Variants in ROBO2 observed in about 807,000 individuals in gnomAD.
The protein encoded by ROBO2 is roundabout guidance receptor 2.
In ROBO2, 53 loss-of-function variants were observed where a neutral mutation model predicts 160.8. The observed-to-expected ratio is 0.33, with a 90% confidence interval of 0.26 to 0.41. The LOEUF (loss-of-function observed/expected upper bound fraction) is 0.41. ROBO2 is among the 10% of genes least tolerant of loss of function. The pLI is 1.00. For synonymous variants in ROBO2, 664 were observed against 611.7 expected (o/e 1.09, Z -1.26); for missense variants, 1,577 against 1,722.4 (o/e 0.92, Z 1.49).
At chr3:77,061,238 TAGG>T (rs984052749) in intron 1 of ROBO2, among the ~76,000 whole-genome samples, 1 of 152,200 alleles carries the variant, frequency 6.6e-6, no homozygotes, top group Non-Finnish European at 1.5e-5. Flanking sequence ...AGTCATTTAT[TAGG>T]AGAAGTCTGA....
chr3:75,959,778 C>T (rs72888494), intron 2 of ROBO2, among the ~76,000 whole-genome samples: 2,449 of 151,350 alleles, frequency 0.016, 59 homozygotes, highest in African/African-American at 0.056. Flanking sequence ...TAGTCTTTGT[C>T]GTTAAAAAAT....
At chr3:77,476,540 C>G (rs1248022736) in intron 2 of ROBO2, among the ~76,000 whole-genome samples, 1 of 152,052 alleles carries the variant, frequency 6.6e-6, no homozygotes, top group Non-Finnish European at 1.5e-5. Context: ...ATCTCAACTA[C>G]TTTTTTGAAT....
intron 6 of ROBO2, among the ~76,000 whole-genome samples, chr3:77,536,246 A>T (rs1014045569): frequency 2.6e-5 from 4 of 152,108 alleles, no homozygotes; most frequent in African/African-American, 9.7e-5. Flanking sequence ...AGGTGGGGGG[A>T]ATGTGCCTTA....
At chr3:76,271,029 A>G (rs1416261374) in intron 2 of ROBO2, among the ~76,000 whole-genome samples, 1 of 152,098 alleles carries the variant, frequency 6.6e-6, no homozygotes, top group Non-Finnish European at 1.5e-5. Flanking sequence ...TGTTACAAAT[A>G]TTTCTTTTAA....
intron 2 of ROBO2, among the ~76,000 whole-genome samples, chr3:77,335,289 C>G (rs1560562340): frequency 6.6e-6 from 1 of 152,084 alleles, no homozygotes; most frequent in African/African-American, 2.4e-5. Flanking sequence ...TACTTGTAAT[C>G]CCAGCTACTC....
rs528295776 is a variant in ROBO2, at chr3:77,563,054, G to T, written c.1520-113G>T. On this transcript the variant is annotated intron_variant, in intron 10 of 25. Transcript: ENST00000461745. ...CACTTACATACTTCTGATTCATGGAGATGAATTTCTCACTGTCTAGGTCAG... is the reference window on the plus strand; with the variant it reads ...CACTTACATACTTCTGATTCATGGATATGAATTTCTCACTGTCTAGGTCAG... The T allele has an allele frequency of 1.5e-4, 139 of 918,476 alleles. No homozygotes were observed. In the African/African-American group the frequency reaches 1.8e-3, roughly 12 times the overall value. 56.9% of individuals were successfully genotyped at this position (918,476 alleles called of 1,614,324 possible). A position where few individuals can be genotyped will look rare whatever the true frequency, so the allele number is the denominator to read the frequency against.
At chr3:77,125,246 A>G (rs141147862) in intron 2 of ROBO2, among the ~76,000 whole-genome samples, 2 of 152,280 alleles carry the variant, frequency 1.3e-5, no homozygotes, top group African/African-American at 4.8e-5. Flanking sequence ...CACCACGCCA[A>G]TCACAGTCAC....
chr3:77,294,871 C>G (rs979779889), intron 2 of ROBO2, among the ~76,000 whole-genome samples: 5 of 149,030 alleles, frequency 3.4e-5, no homozygotes, highest in African/African-American at 7.5e-5. Context: ...ACAGTAAAGA[C>G]ATAAAGTAAA....
chr3:77,548,040 C>T (rs1335344363), intron 7 of ROBO2, among the ~76,000 whole-genome samples: 1 of 151,036 alleles, frequency 6.6e-6, no homozygotes, highest in Non-Finnish European at 1.5e-5. Flanking sequence ...ACATACGCCA[C>T]ACACAGAGAC....
At chr3:76,229,919 A>G (rs1704517870) in intron 2 of ROBO2, among the ~76,000 whole-genome samples, 1 of 152,094 alleles carries the variant, frequency 6.6e-6, no homozygotes, top group African/African-American at 2.4e-5. Context: ...CACTGGTACC[A>G]CCCTGTGCTG....
chr3:77,607,904 C>T (rs1399282299), exon 21 of ROBO2: 1 of 1,613,902 alleles, frequency 6.2e-7, no homozygotes, highest in African/African-American at 1.3e-5. Flanking sequence ...CAGTCCAGCC[C>T]CTTCCTGGCA....
At chr3:77,491,381 T>A (rs892426911) in intron 4 of ROBO2, among the ~76,000 whole-genome samples, 1 of 152,160 alleles carries the variant, frequency 6.6e-6, no homozygotes, top group Non-Finnish European at 1.5e-5. Context: ...AACATTGGGT[T>A]AATGTAGTTT....
intron 4 of ROBO2, among the ~76,000 whole-genome samples, chr3:77,482,129 A>T (rs2084772342): frequency 6.6e-6 from 1 of 152,184 alleles, no homozygotes; most frequent in South Asian, 2.1e-4. Flanking sequence ...ACATGTGTAT[A>T]TATACAATCT....
At chr3:77,233,589 A>G (rs1439274212) in intron 2 of ROBO2, among the ~76,000 whole-genome samples, 1 of 152,202 alleles carries the variant, frequency 6.6e-6, no homozygotes, top group Non-Finnish European at 1.5e-5. Flanking sequence ...TGTATTTCAA[A>G]TTTTAGTATA....
chr3:77,093,989 A>G (rs1490317590), intron 1 of ROBO2, among the ~76,000 whole-genome samples: 1 of 152,232 alleles, frequency 6.6e-6, no homozygotes, highest in Non-Finnish European at 1.5e-5. Flanking sequence ...TGCTGGAGAT[A>G]TAATTCATAT....
chr3:77,428,252 G>A (rs1192836283), intron 2 of ROBO2, among the ~76,000 whole-genome samples: 1 of 151,340 alleles, frequency 6.6e-6, no homozygotes, highest in Admixed American at 6.6e-5. Flanking sequence ...TGAAATTAAT[G>A]AGGATACAGT....
chr3:77,054,944 G>GTA (rs2065588376), intron 1 of ROBO2, among the ~76,000 whole-genome samples: 1 of 151,846 alleles, frequency 6.6e-6, no homozygotes, highest in East Asian at 1.9e-4. Flanking sequence ...GTGTGTGTGT[G>GTA]TGTGTGTGTG....
At chr3:77,408,584 A>G (rs2076445719) in intron 2 of ROBO2, among the ~76,000 whole-genome samples, 1 of 152,188 alleles carries the variant, frequency 6.6e-6, no homozygotes, top group African/African-American at 2.4e-5. Context: ...TTTTTATAAT[A>G]TACTATCAGG....
At chr3:77,215,175 T>C (rs2151137584) in intron 2 of ROBO2, among the ~76,000 whole-genome samples, 1 of 152,340 alleles carries the variant, frequency 6.6e-6, no homozygotes, top group South Asian at 2.1e-4. Context: ...TGCAGAGTGT[T>C]TTCCAACTTG....
Sources: allele counts gnomAD v4.1 joint callset (sites outside exome capture counted in the v4.1 genomes callset), GRCh38; gene constraint gnomAD v4.1.1; transcripts MANE v1.5; gene names NCBI Gene and HGNC (gene_info 2026-07-23, HGNC 2026-07-21).